CSMD3: variants seen among roughly 807,000 people sequenced by gnomAD.
The protein encoded by CSMD3 is CUB and sushi domain-containing protein 3.
A neutral mutation model predicts 435.2 loss-of-function variants in CSMD3; 177 were observed. The observed-to-expected ratio is 0.41, with a 90% CI of 0.36 to 0.46. The LOEUF is 0.46. CSMD3 is among the 20% of genes least tolerant of loss of function. CSMD3 has a pLI of 0.34. For synonymous variants in CSMD3, 1,656 were observed against 1,520.5 expected, an observed-to-expected ratio of 1.09 and a Z score of -2.07; for missense variants, 4,265 against 4,504.6, an observed-to-expected ratio of 0.95 and a Z score of 1.52.
At chr8:112,885,179 A>G (rs1466446049) in intron 10 of CSMD3, among the ~76,000 whole-genome samples, 2 of 151,666 alleles carry the variant, frequency 1.3e-5, no homozygotes, top group Non-Finnish European at 2.9e-5. Context: ...GCAATCAGTA[A>G]GTGTTTACTG....
At chr8:113,204,757 A>G (rs2092752627) in intron 3 of CSMD3, among the ~76,000 whole-genome samples, 1 of 152,250 alleles carries the variant, frequency 6.6e-6, no homozygotes, top group Non-Finnish European at 1.5e-5. Context: ...TTCTGTTACC[A>G]TCATCTGCAG....
intron 22 of CSMD3, among the ~76,000 whole-genome samples, chr8:112,633,360 G>C (rs1186662155): frequency 6.6e-6 from 1 of 151,970 alleles, no homozygotes; most frequent in African/African-American, 2.4e-5. Flanking sequence ...CCATACACAG[G>C]ACTTAGACTC....
chr8:113,353,411 C>T (rs994274619), intron 1 of CSMD3, among the ~76,000 whole-genome samples: 3 of 152,064 alleles, frequency 2.0e-5, no homozygotes, highest in Admixed American at 6.6e-5. Flanking sequence ...GACCAATTTG[C>T]AGTTGAGCTG....
chr8:112,926,585 A>G (rs2082919171), intron 9 of CSMD3, among the ~76,000 whole-genome samples: 1 of 152,188 alleles, frequency 6.6e-6, no homozygotes, highest in Non-Finnish European at 1.5e-5. Context: ...TTTAAAAATG[A>G]TACTTATTTT....
chr8:113,242,847 G>A (rs1487000682), intron 3 of CSMD3, among the ~76,000 whole-genome samples: 3 of 151,674 alleles, frequency 2.0e-5, no homozygotes, highest in Admixed American at 1.3e-4. Flanking sequence ...AAGTTCTCAC[G>A]ATTCTCAATT....
chr8:112,419,477 A>T (rs1812254269), intron 32 of CSMD3, among the ~76,000 whole-genome samples: 1 of 152,194 alleles, frequency 6.6e-6, no homozygotes, highest in African/African-American at 2.4e-5. Flanking sequence ...TTATCCAGTA[A>T]TTTGGTAGCT....
At chr8:112,461,367 G>T (rs1817426781) in intron 32 of CSMD3, among the ~76,000 whole-genome samples, 1 of 152,056 alleles carries the variant, frequency 6.6e-6, no homozygotes, top group African/African-American at 2.4e-5. Flanking sequence ...TGTATGTAAT[G>T]ACTTCTCCAT....
At chr8:113,099,085 A>T (rs2090253663) in intron 4 of CSMD3, 122 bp from the exon 5 acceptor site, 6 of 707,832 alleles carry the variant, frequency 8.5e-6, no homozygotes, top group Non-Finnish European at 1.5e-5. Flanking sequence ...TACCAAGTGC[A>T]TAATATACTA....
chr8:112,415,105 T>C (rs1041980449), intron 32 of CSMD3, among the ~76,000 whole-genome samples: 10 of 152,124 alleles, frequency 6.6e-5, no homozygotes, highest in African/African-American at 1.2e-4. Context: ...CCCAGGACAA[T>C]AGGGAAAATG....
intron 24 of CSMD3, among the ~76,000 whole-genome samples, chr8:112,566,156 C>G (rs1829049528): frequency 6.6e-6 from 1 of 151,096 alleles, no homozygotes; most frequent in Admixed American, 6.6e-5. Context: ...AAACTCAAAT[C>G]TTGAGTTCAG....
Position 113,106,823 on chromosome 8 carries a change from C to T in CSMD3, c.710-7860G>A, listed in dbSNP as rs530179714. Among the ~76,000 whole-genome samples, 103 of 152,042 alleles carry T rather than the reference C, an allele frequency of 6.8e-4. 1 individual carries two copies. Among genetic ancestry groups the T allele is most frequent in the African/African-American group, 2.3e-3 (94 of 41,428 alleles). On this transcript the variant is annotated intron_variant, in intron 4 of 70. Coordinates refer to ENST00000297405, the MANE Select transcript of CSMD3 (RefSeq NM_198123.2). ...GAGATAGAATTGCAATCTTTGTTATCCACATTCTTTATTCTCTTTCTTTTT... is the reference window on the plus strand; with the variant it reads ...GAGATAGAATTGCAATCTTTGTTATTCACATTCTTTATTCTCTTTCTTTTT...
intron 32 of CSMD3, among the ~76,000 whole-genome samples, chr8:112,423,527 G>T (rs1019279375): frequency 1.3e-5 from 2 of 152,074 alleles, no homozygotes; most frequent in African/African-American, 4.8e-5. Context: ...CTGGCTCACT[G>T]CAGCCTTAAC....
At chr8:112,751,706 C>T (rs2077575793) in intron 13 of CSMD3, among the ~76,000 whole-genome samples, 2 of 151,084 alleles carry the variant, frequency 1.3e-5, no homozygotes, top group South Asian at 4.2e-4. Context: ...ACCTTCTATC[C>T]TACTTCACAG....
At chr8:112,783,412 A>AGGAGGGAG (rs1486071610) in intron 13 of CSMD3, among the ~76,000 whole-genome samples, 865 of 78,726 alleles carry the variant, frequency 0.011, 62 homozygotes, top group African/African-American at 0.035. Flanking sequence ...GAAGGAAGGA[A>AGGAGGGAG]GGAGGGAGGG....
chr8:112,613,690 A>T (rs1833440584), intron 22 of CSMD3, among the ~76,000 whole-genome samples: 1 of 152,168 alleles, frequency 6.6e-6, no homozygotes, highest in South Asian at 2.1e-4. Flanking sequence ...TTTGTTGAGC[A>T]TCTACTATGT....
At chr8:112,711,225 A>T (rs2076603263) in intron 13 of CSMD3, among the ~76,000 whole-genome samples, 1 of 152,156 alleles carries the variant, frequency 6.6e-6, no homozygotes, top group Admixed American at 6.6e-5. Context: ...TATTTTCACA[A>T]GAAGAAAAAA....
At chr8:112,496,582 A>C (rs1169632565) in intron 30 of CSMD3, among the ~76,000 whole-genome samples, 1 of 152,152 alleles carries the variant, frequency 6.6e-6, no homozygotes, top group East Asian at 1.9e-4. Context: ...CAAATGCATA[A>C]AAAAAAGTGG....
chr8:112,231,411 G>T lies in CSMD3; in HGVS notation c.10828+134C>A, dbSNP rs143822730. The T allele has an allele frequency of 1.4e-3, 984 of 703,650 alleles. 7 individuals are homozygous for T. In the African/African-American group the frequency reaches 0.015, roughly 11 times the overall value. 43.6% of individuals were successfully genotyped at this position (703,650 alleles called of 1,614,324 possible). The stretch of plus-strand genomic sequence containing the variant: ...TGATTATTTAAAAGGGCTATCAAAG[G>T]TATCAATGCATAGTTCTGGCAGTAC... On this transcript the variant is annotated intron_variant, in intron 69 of 70. Coordinates refer to ENST00000297405, the MANE Select transcript of CSMD3 (RefSeq NM_198123.2).
chr8:112,874,598 A>G (rs935144763), intron 10 of CSMD3, among the ~76,000 whole-genome samples: 3 of 152,148 alleles, frequency 2.0e-5, no homozygotes, highest in African/African-American at 7.2e-5. Flanking sequence ...TATTGGGTGC[A>G]TATATATTTA....
Sources: gnomAD v4.1 joint callset for allele counts (sites outside exome capture counted in the v4.1 genomes callset) on GRCh38, gnomAD v4.1.1 for gene constraint, MANE v1.5 for transcripts, NCBI Gene and HGNC (gene_info 2026-07-23, HGNC 2026-07-21) for gene names.